AFF1: variants seen among roughly 807,000 people sequenced by gnomAD.
AFF1 encodes ALF transcription elongation factor 1.
A neutral mutation model predicts 121.7 loss-of-function variants in AFF1; 48 were observed. The observed-to-expected ratio is 0.39, with a 90% CI of 0.31 to 0.50. The LOEUF (loss-of-function observed/expected upper bound fraction) is 0.50, where lower values mean the gene tolerates loss of function less well. AFF1 is among the 20% of genes least tolerant of loss of function. The pLI is 0.76. For synonymous variants in AFF1, 613 were observed against 563.0 expected (o/e 1.09, Z -1.26); for missense variants, 1,523 against 1,511.7 (o/e 1.01, Z -0.12).
chr4:87,007,356 G>A, intron 2 of AFF1: 2 of 1,612,080 alleles, frequency 1.2e-6, no homozygotes, highest in Non-Finnish European at 1.7e-6. Flanking sequence ...AGCAGGGCCC[G>A]CGGGGTGAAG....
intron 4 of AFF1, among the ~76,000 whole-genome samples, chr4:87,070,387 T>TCGGC (rs1175497900): frequency 1.3e-5 from 2 of 152,380 alleles, no homozygotes; most frequent in East Asian, 3.9e-4. Flanking sequence ...TCCACCTGCC[T>TCGGC]CGGCCTCCCA....
In AFF1 at chr4:87,134,714, G is replaced by A. The variant is rs771756535; in HGVS notation, c.3535+20G>A. On this transcript the variant is annotated intron_variant, in intron 20 of 20. Coordinates refer to ENST00000395146, the MANE Select transcript of AFF1 (RefSeq NM_001166693.3). ...ATAAAGGTAAATAAATGGCTTTGTG[G>A]TGGTAATTACTGGGGTGTTTGGATT... 1 of 1,586,872 alleles carries A rather than the reference G, an allele frequency of 6.3e-7. No homozygotes were observed. The highest frequency in any genetic ancestry group is 8.6e-7 in the Non-Finnish European group (1 of 1,157,876).
At chr4:86,955,922 C>G (rs1244953273) in intron 2 of AFF1, among the ~76,000 whole-genome samples, 1 of 152,148 alleles carries the variant, frequency 6.6e-6, no homozygotes, top group Non-Finnish European at 1.5e-5. Context: ...GAAGAATTCT[C>G]AATTATTGAG....
chr4:87,071,395 T>G (rs766707628), intron 4 of AFF1, among the ~76,000 whole-genome samples: 2 of 152,218 alleles, frequency 1.3e-5, no homozygotes. Flanking sequence ...TACTGTGGTG[T>G]TCATGCCAGC....
intron 4 of AFF1, among the ~76,000 whole-genome samples, chr4:87,048,494 T>C (rs1179357327): frequency 1.3e-5 from 2 of 152,246 alleles, no homozygotes; most frequent in Non-Finnish European, 2.9e-5. Flanking sequence ...TTAAAACTTA[T>C]CTTTTAATGT....
intron 1 of AFF1, among the ~76,000 whole-genome samples, chr4:86,946,321 A>G (rs1720855946): frequency 6.6e-6 from 1 of 152,118 alleles, no homozygotes; most frequent in Non-Finnish European, 1.5e-5. Flanking sequence ...CTTCTGTAGT[A>G]TGTAAGCTCA....
intron 8 of AFF1, among the ~76,000 whole-genome samples, chr4:87,097,344 C>T (rs1179324755): frequency 6.6e-6 from 1 of 152,118 alleles, no homozygotes; most frequent in Non-Finnish European, 1.5e-5. Flanking sequence ...TGACAGGTAG[C>T]CTCAGACTGA....
chr4:87,069,912 C>A (rs115344684), intron 4 of AFF1, among the ~76,000 whole-genome samples: 4,581 of 149,924 alleles, frequency 0.031, 92 homozygotes, highest in Middle Eastern at 0.049. Context: ...TTTCCCCCAA[C>A]CCTGTTCAAG....
chr4:86,956,013 C>G (rs956024947), intron 2 of AFF1, among the ~76,000 whole-genome samples: 1 of 152,172 alleles, frequency 6.6e-6, no homozygotes, highest in African/African-American at 2.4e-5. Context: ...GGCCAAACTT[C>G]TAGATGCTTA....
chr4:86,948,115 A>G (rs935705673), intron 1 of AFF1, among the ~76,000 whole-genome samples: 1 of 151,980 alleles, frequency 6.6e-6, no homozygotes, highest in South Asian at 2.1e-4. Flanking sequence ...GGATATTAGT[A>G]TCTGCCTTGC....
intron 4 of AFF1, among the ~76,000 whole-genome samples, chr4:87,069,092 CCT>C (rs1312856004): frequency 2.0e-5 from 3 of 152,026 alleles, no homozygotes; most frequent in Admixed American, 6.5e-5. Flanking sequence ...CTTTTGCCCC[CCT>C]GTGTTAGGGG....
At chr4:86,992,832 G>C (rs190717488) in intron 2 of AFF1, among the ~76,000 whole-genome samples, 30 of 152,240 alleles carry the variant, frequency 2.0e-4, no homozygotes, top group African/African-American at 5.3e-4. Flanking sequence ...ATCCTTGATC[G>C]TGAAAATATG....
intron 16 of AFF1, among the ~76,000 whole-genome samples, chr4:87,128,005 A>G (rs1340264779): frequency 6.6e-6 from 1 of 152,208 alleles, no homozygotes; most frequent in Non-Finnish European, 1.5e-5. Flanking sequence ...CAAGTTTTGT[A>G]TCTAAGTAAG....
Position 86,986,296 on chromosome 4 carries a change from A to T in AFF1, c.38+37725A>T, listed in dbSNP as rs569526700. Among the ~76,000 whole-genome samples the T allele has an allele frequency of 2.8e-4, 42 of 152,002 alleles. No individual in the cohort carries two copies. In the East Asian group the frequency reaches 5.4e-3, roughly 20 times the overall value. On this transcript the variant is annotated intron_variant, in intron 2 of 20. Coordinates refer to ENST00000395146, the MANE Select transcript of AFF1 (RefSeq NM_001166693.3). Reference sequence around the variant, plus strand: ...CATGTTGGCCAGGCTGGTCTTGAACACCTGACCTCAGGTGATCCACCCGCC... The same window carrying T: ...CATGTTGGCCAGGCTGGTCTTGAACTCCTGACCTCAGGTGATCCACCCGCC...
intron 2 of AFF1, among the ~76,000 whole-genome samples, chr4:87,040,605 T>C (rs1242056876): frequency 6.6e-6 from 1 of 151,188 alleles, no homozygotes; most frequent in Non-Finnish European, 1.5e-5. Flanking sequence ...TGACACTTGT[T>C]GCCCAGGCTG....
At chr4:87,018,000 C>T (rs946097262) in intron 2 of AFF1, among the ~76,000 whole-genome samples, 1 of 151,806 alleles carries the variant, frequency 6.6e-6, no homozygotes, top group African/African-American at 2.4e-5. Context: ...CCTTTATGAG[C>T]CTTTCAAGTG....
intron 11 of AFF1, among the ~76,000 whole-genome samples, chr4:87,110,656 C>T (rs2149757284): frequency 6.6e-6 from 1 of 152,198 alleles, no homozygotes; most frequent in East Asian, 1.9e-4. Context: ...ATTTTGCACT[C>T]ATATTCCCCA....
intron 2 of AFF1, among the ~76,000 whole-genome samples, chr4:86,994,105 A>G (rs1724930372): frequency 6.6e-6 from 1 of 152,278 alleles, no homozygotes; most frequent in South Asian, 2.1e-4. Flanking sequence ...ACAAGGCACT[A>G]AAACACAGGT....
chr4:87,135,718 T>G lies in AFF1; in HGVS notation c.*17T>G. 6.2e-7 allele frequency: 1 copy of G among 1,606,484 alleles called. No homozygotes were observed. Among genetic ancestry groups the G allele is most frequent in the Non-Finnish European group, 8.5e-7 (1 of 1,176,328 alleles). On this transcript the variant is annotated 3_prime_UTR_variant, in exon 21 of 21. Coordinates refer to ENST00000395146, the MANE Select transcript of AFF1 (RefSeq NM_001166693.3). ...ACACCTTAATGGAGCCCCAGGTTGA[T>G]TCAATGCCTTGGGAACTATTTTTGC...
Sources: allele counts gnomAD v4.1 joint callset (sites outside exome capture counted in the v4.1 genomes callset), GRCh38; gene constraint gnomAD v4.1.1; transcripts MANE v1.5; gene names NCBI Gene and HGNC (gene_info 2026-07-23, HGNC 2026-07-21).